Variants in CCDC175 observed in about 807,000 individuals in gnomAD.
CCDC175 encodes the protein coiled-coil domain-containing protein 175.
A neutral mutation model predicts 114.6 loss-of-function variants in CCDC175; 100 were observed. That is an observed-to-expected ratio of 0.87 (90% CI 0.74 to 1.03). The LOEUF (loss-of-function observed/expected upper bound fraction) is 1.03, where lower values mean the gene tolerates loss of function less well. Ranked by LOEUF, CCDC175 falls within the 50% of genes least tolerant of loss-of-function variation. The pLI is 0.00. For missense variants in CCDC175, 880 were observed against 917.8 expected (o/e 0.96, Z 0.53); for synonymous variants, 306 against 308.7 (o/e 0.99, Z 0.09).
intron 7 of CCDC175, among the ~76,000 whole-genome samples, chr14:59,557,004 C>G (rs956511935): frequency 6.6e-6 from 1 of 152,102 alleles, no homozygotes; most frequent in African/African-American, 2.4e-5. Flanking sequence ...AGGAACACTT[C>G]TACACTGTTG....
intron 7 of CCDC175, among the ~76,000 whole-genome samples, chr14:59,555,477 A>G (rs1464073393): frequency 1.3e-5 from 2 of 152,182 alleles, no homozygotes; most frequent in Admixed American, 6.5e-5. Context: ...AAATAATAAG[A>G]GCTATTTATG....
At chr14:59,543,114 C>A (rs1285290052) in intron 10 of CCDC175, among the ~76,000 whole-genome samples, 1 of 152,150 alleles carries the variant, frequency 6.6e-6, no homozygotes, top group Non-Finnish European at 1.5e-5. Flanking sequence ...CACTGCACCC[C>A]AACTGGTCCA....
intron 14 of CCDC175, among the ~76,000 whole-genome samples, chr14:59,529,875 C>T (rs1478274568): frequency 6.6e-6 from 1 of 152,162 alleles, no homozygotes; most frequent in Non-Finnish European, 1.5e-5. Context: ...GCTGGCAGGT[C>T]AACTTTCCCA....
intron 5 of CCDC175, among the ~76,000 whole-genome samples, 194 bp from the exon 6 acceptor site, chr14:59,564,053 C>T (rs1896380503): frequency 6.6e-6 from 1 of 152,192 alleles, no homozygotes; most frequent in East Asian, 1.9e-4. Context: ...AAAGCATGAG[C>T]CACAAAGGCC....
intron 16 of CCDC175, among the ~76,000 whole-genome samples, chr14:59,522,789 T>C (rs1171949556): frequency 6.6e-6 from 1 of 152,254 alleles, no homozygotes; most frequent in Non-Finnish European, 1.5e-5. Flanking sequence ...GTTCCCTTGC[T>C]CTGGGGCACT....
rs943373208 is a variant in CCDC175 at position 59,505,147 on chromosome 14, CTTCTA to C, written c.*87_*91del. The C allele has an allele frequency of 9.3e-6, 5 of 537,648 alleles. No individual in the cohort carries two copies. Among genetic ancestry groups the C allele is most frequent in the Non-Finnish European group, 1.2e-5 (4 of 322,280 alleles). 33.3% of individuals were successfully genotyped at this position (537,648 alleles called of 1,614,324 possible). A position where few individuals can be genotyped will look rare whatever the true frequency, so the allele number is the denominator to read the frequency against. On this transcript the variant is annotated 3_prime_UTR_variant, in exon 20 of 20. Coordinates refer to ENST00000537690, the MANE Select transcript of CCDC175 (RefSeq NM_001164399.2). ...TTAGTTAAATTTTAAATGTTTAAGACTTCTATTAACAGCTGCAAAATATGAAAGTA... is the reference window on the plus strand; with the variant it reads ...TTAGTTAAATTTTAAATGTTTAAGACTTAACAGCTGCAAAATATGAAAGTA...
intron 17 of CCDC175, among the ~76,000 whole-genome samples, chr14:59,520,407 T>C (rs1893358287): frequency 6.6e-6 from 1 of 152,230 alleles, no homozygotes; most frequent in African/African-American, 2.4e-5. Context: ...GTCTGGCGGT[T>C]TCTTATAAAG....
At chr14:59,553,361 A>T (rs578242032) in intron 7 of CCDC175, among the ~76,000 whole-genome samples, 25 of 152,314 alleles carry the variant, frequency 1.6e-4, no homozygotes, top group Admixed American at 9.2e-4. Context: ...ATCCAGCCAA[A>T]CTAAGCTTCA....
At chr14:59,566,932 CCAG>C (rs1199114435) in intron 4 of CCDC175, among the ~76,000 whole-genome samples, 1 of 152,146 alleles carries the variant, frequency 6.6e-6, no homozygotes, top group Non-Finnish European at 1.5e-5. Context: ...GTGGTCAGGA[CCAG>C]CAGCAGCAGC....
At chr14:59,571,395 A>G (rs1028358202) in intron 3 of CCDC175, among the ~76,000 whole-genome samples, 1 of 152,244 alleles carries the variant, frequency 6.6e-6, no homozygotes, top group African/African-American at 2.4e-5. Context: ...GAATACATAA[A>G]GAACTCCTAC....
At chr14:59,517,408 T>C (rs1274475157) in intron 17 of CCDC175, among the ~76,000 whole-genome samples, 1 of 152,210 alleles carries the variant, frequency 6.6e-6, no homozygotes, top group Non-Finnish European at 1.5e-5. Flanking sequence ...CATTATTGTA[T>C]ATTTAGAAAA....
chr14:59,558,482 T>G (rs878994557), intron 7 of CCDC175, among the ~76,000 whole-genome samples: 1 of 152,182 alleles, frequency 6.6e-6, no homozygotes, highest in Admixed American at 6.6e-5. Context: ...ATTTTGAATA[T>G]GAAGGCAATA....
At position 59,512,229 on chromosome 14, in the gene CCDC175, T is replaced by C. The variant is rs1594974925; in HGVS notation, c.2099-426A>G. On this transcript the variant is annotated intron_variant, in intron 17 of 19. Coordinates refer to ENST00000537690, the MANE Select transcript of CCDC175 (RefSeq NM_001164399.2). ...GAACAAGTGGGCTTTATGCTAAGAA[T>C]GGGAGCTTGGTTTAAAAGTCAGACT... is the stretch of plus-strand genomic sequence containing the variant. Among the ~76,000 whole-genome samples the C allele has an allele frequency of 2.0e-5, 3 of 152,322 alleles. No individual in the cohort carries two copies. The South Asian group carries it at 6.2e-4, about 32-fold the overall frequency.
intron 14 of CCDC175, among the ~76,000 whole-genome samples, chr14:59,531,239 A>G (rs528457922): frequency 6.6e-6 from 1 of 152,300 alleles, no homozygotes; most frequent in East Asian, 1.9e-4. Context: ...ATGCATGATT[A>G]TACCATGTAA....
chr14:59,533,653 G>A (rs1323143503), intron 13 of CCDC175, among the ~76,000 whole-genome samples: 1 of 152,112 alleles, frequency 6.6e-6, no homozygotes, highest in Non-Finnish European at 1.5e-5. Context: ...AGAAGCAGGA[G>A]TACATTTCTC....
At chr14:59,559,763 G>A (rs1241383461) in intron 7 of CCDC175, among the ~76,000 whole-genome samples, 1 of 152,040 alleles carries the variant, frequency 6.6e-6, no homozygotes, top group African/African-American at 2.4e-5. Flanking sequence ...ATAAAAAGGA[G>A]GATCACTTGT....
intron 13 of CCDC175, among the ~76,000 whole-genome samples, chr14:59,535,447 A>G (rs778877670): frequency 3.3e-5 from 5 of 152,226 alleles, no homozygotes; most frequent in Non-Finnish European, 7.3e-5. Context: ...TTCATGACTC[A>G]AAGGGGATTG....
intron 15 of CCDC175, among the ~76,000 whole-genome samples, chr14:59,526,277 C>T: frequency 6.6e-6 from 1 of 151,448 alleles, no homozygotes. Context: ...TCATATTTTC[C>T]TATATATTCC....
intron 7 of CCDC175, among the ~76,000 whole-genome samples, chr14:59,556,155 C>G (rs1022969292): frequency 6.6e-6 from 1 of 152,162 alleles, no homozygotes; most frequent in African/African-American, 2.4e-5. Context: ...ATCACCAAGT[C>G]AATCCTAAGC....
Sources: gnomAD v4.1 joint callset for allele counts (sites outside exome capture counted in the v4.1 genomes callset) on GRCh38, gnomAD v4.1.1 for gene constraint, MANE v1.5 for transcripts, NCBI Gene and HGNC (gene_info 2026-07-23, HGNC 2026-07-21) for gene names.